DNAI3: variants seen among roughly 807,000 people sequenced by gnomAD.
DNAI3 encodes the protein WD repeat domain 63.
A neutral mutation model predicts 115.5 loss-of-function variants in DNAI3; 83 were observed. The observed-to-expected ratio is 0.72, with a 90% CI of 0.60 to 0.86. The LOEUF is 0.86. Ranked by LOEUF, DNAI3 falls within the 40% of genes least tolerant of loss-of-function variation. The pLI, the probability that DNAI3 is intolerant of heterozygous loss-of-function variation, is 0.00. For synonymous variants in DNAI3, 320 were observed against 347.0 expected (o/e 0.92, Z 0.86); for missense variants, 1,004 against 1,075.8 (o/e 0.93, Z 0.93).
intron 10 of DNAI3, 140 bp downstream of exon 10, chr1:85,094,695 A>G (rs1315900460): frequency 9.6e-7 from 1 of 1,046,512 alleles, no homozygotes; most frequent in Non-Finnish European, 1.3e-6. Flanking sequence ...TTCAATGCAG[A>G]ACTTGTCATC....
chr1:85,074,197 G>A (rs950604388), intron 3 of DNAI3, among the ~76,000 whole-genome samples: 4 of 151,960 alleles, frequency 2.6e-5, no homozygotes, highest in Admixed American at 6.6e-5. Context: ...CCAAACCTCC[G>A]CACTCCTCAC....
At chr1:85,120,274 T>C (rs1250277105) in intron 17 of DNAI3, among the ~76,000 whole-genome samples, 1 of 152,196 alleles carries the variant, frequency 6.6e-6, no homozygotes, top group Non-Finnish European at 1.5e-5. Context: ...GGATCTCGAC[T>C]GGCTGGCGTG....
intron 13 of DNAI3, 110 bp from the exon 14 acceptor site, chr1:85,104,414 C>T (rs931561081): frequency 6.6e-5 from 60 of 910,256 alleles, no homozygotes; most frequent in East Asian, 1.1e-4. Context: ...AGCCACTGCC[C>T]CCGGCCGGTA....
At chr1:85,124,012 C>T (rs1003239975) in intron 18 of DNAI3, 109 bp from the exon 19 acceptor site, 15 of 1,426,760 alleles carry the variant, frequency 1.1e-5, no homozygotes, top group African/African-American at 9.8e-5. Flanking sequence ...CTCCACTCCC[C>T]GACCCCATTC....
At chr1:85,127,171 T>C (rs1319007866) in intron 20 of DNAI3, among the ~76,000 whole-genome samples, 1 of 152,234 alleles carries the variant, frequency 6.6e-6, no homozygotes, top group South Asian at 2.1e-4. Context: ...ATCACTTTTG[T>C]GGTTCTCCCC....
intron 12 of DNAI3, among the ~76,000 whole-genome samples, 198 bp from the exon 13 acceptor site, chr1:85,098,332 A>G (rs535348208): frequency 6.6e-6 from 1 of 152,332 alleles, no homozygotes; most frequent in South Asian, 2.1e-4. Context: ...GTTTAGAGAA[A>G]TAGTCTTAGA....
chr1:85,122,444 A>G (rs1193596411), intron 18 of DNAI3, among the ~76,000 whole-genome samples: 2 of 152,198 alleles, frequency 1.3e-5, no homozygotes, highest in Admixed American at 6.5e-5. Flanking sequence ...AAAGCTCCCT[A>G]TCTCTAGCAG....
intron 20 of DNAI3, among the ~76,000 whole-genome samples, chr1:85,128,237 G>A (rs949723760): frequency 6.6e-6 from 1 of 150,948 alleles, no homozygotes; most frequent in Non-Finnish European, 1.5e-5. Flanking sequence ...GCAGCTACTT[G>A]TTTTTACAAT....
rs1441431050 is a variant in DNAI3 at position 85,124,145 on chromosome 1, C to A, written c.2006C>A (p.Thr669Asn). Residue 669 changes from threonine (T) to asparagine (N), a missense_variant, in exon 19 of 23, where the codon ACC (threonine) becomes AAC (asparagine). Physicochemically the swap from Thr to Asn is moderately conservative, Grantham distance 65. Around this residue, in one of 3 missense-constraint regions of DNAI3, gnomAD observed 429 missense variants for 454.3 expected, o/e 0.94. Coordinates refer to ENST00000294664, the MANE Select transcript of DNAI3 (RefSeq NM_145172.5). ...GCAAAGAAGCCAGTGAGCCACCACACCATTCACGACGGAACTGTCCACACT... is the reference window on the plus strand; with the variant it reads ...GCAAAGAAGCCAGTGAGCCACCACAACATTCACGACGGAACTGTCCACACT... ...LMSKKPVSHH[T>N]IHDGTVHTIQ... The A allele has an allele frequency of 2.5e-6, 4 of 1,614,188 alleles. No homozygotes were observed. The Admixed American group carries it at 5.0e-5, about 20-fold the overall frequency.
intron 7 of DNAI3, 80 bp from the exon 8 acceptor site, chr1:85,090,036 C>A: frequency 3.7e-6 from 2 of 544,466 alleles, no homozygotes; most frequent in Non-Finnish European, 6.3e-6. Flanking sequence ...GTCACAGAGA[C>A]ACACTTTTGA....
chr1:85,094,431 G>C lies in DNAI3; in HGVS notation c.1049G>C (p.Gly350Ala). 6.2e-7 allele frequency: 1 copy of C among 1,614,032 alleles called. No individual in the cohort carries two copies. Among genetic ancestry groups the C allele is most frequent in the Non-Finnish European group, 8.5e-7 (1 of 1,179,980 alleles). ...TCVSWHPTIY[G>A]LIAVSVAVRL... ...TAATTTCTACATGTGTTTCCATCAGGGCTAATAGCTGTGTCGGTAGCCGTG... is the reference window on the plus strand; with the variant it reads ...TAATTTCTACATGTGTTTCCATCAGCGCTAATAGCTGTGTCGGTAGCCGTG... Residue 350 changes from glycine to alanine, a missense_variant and splice_region_variant, in exon 10 of 23, where the codon GGG (glycine) becomes GCG (alanine). Transcript: ENST00000294664.
At chr1:85,100,434 C>T (rs1175032053) in intron 13 of DNAI3, among the ~76,000 whole-genome samples, 2 of 152,206 alleles carry the variant, frequency 1.3e-5, no homozygotes, top group East Asian at 1.9e-4. Context: ...TACCATCTCA[C>T]ACCAGTTAGA....
At chr1:85,129,853 A>G in intron 21 of DNAI3, 137 bp from the exon 22 acceptor site, 2 of 908,518 alleles carry the variant, frequency 2.2e-6, no homozygotes. Flanking sequence ...ATCATTAGAT[A>G]ATGATCAAGT....
intron 8 of DNAI3, among the ~76,000 whole-genome samples, chr1:85,092,536 A>G (rs1236794453): frequency 6.6e-6 from 1 of 152,106 alleles, no homozygotes; most frequent in Non-Finnish European, 1.5e-5. Context: ...CAACTTTGGG[A>G]GTATGCAGAG....
chr1:85,108,020 A>AT lies in DNAI3; in HGVS notation c.1554-13_1554-12insT. On this transcript the variant is annotated splice_polypyrimidine_tract_variant and intron_variant, in intron 14 of 22. Coordinates refer to ENST00000294664, the MANE Select transcript of DNAI3 (RefSeq NM_145172.5). Reference sequence around the variant, plus strand: ...TTTGTACTTAATAAAAAATATATATAAATTTTTTTTAGCACAATATGTTTT... The same window carrying AT: ...TTTGTACTTAATAAAAAATATATATATAATTTTTTTTAGCACAATATGTTTT... The AT allele has an allele frequency of 1.4e-6, 2 of 1,442,338 alleles. No individual in the cohort carries two copies. The highest frequency in any genetic ancestry group is 1.8e-6 in the Non-Finnish European group (2 of 1,105,020). 89.3% of individuals were successfully genotyped at this position (1,442,338 alleles called of 1,614,324 possible).
intron 5 of DNAI3, among the ~76,000 whole-genome samples, chr1:85,083,852 T>C (rs1654704912): frequency 6.6e-6 from 1 of 152,080 alleles, no homozygotes; most frequent in Non-Finnish European, 1.5e-5. Flanking sequence ...TCTGTGGTTT[T>C]ACACTTTACC....
At chr1:85,097,513 A>G (rs1239514957) in intron 11 of DNAI3, 56 bp from the exon 12 acceptor site, 4 of 1,488,222 alleles carry the variant, frequency 2.7e-6, no homozygotes, top group Non-Finnish European at 3.6e-6. Context: ...AAAGAAAATT[A>G]AGACTCAATT....
At chr1:85,086,801 C>T (rs1654812048) in intron 7 of DNAI3, among the ~76,000 whole-genome samples, 1 of 152,040 alleles carries the variant, frequency 6.6e-6, no homozygotes, top group East Asian at 1.9e-4. Flanking sequence ...CATCCTTTCT[C>T]TCCTGCATTC....
intron 21 of DNAI3, among the ~76,000 whole-genome samples, chr1:85,129,220 C>T (rs995168939): frequency 1.3e-5 from 2 of 148,848 alleles, no homozygotes; most frequent in Admixed American, 6.7e-5. Flanking sequence ...GCTGAACTGG[C>T]GGTATTCTGC....
Sources: gnomAD v4.1 joint callset for allele counts (sites outside exome capture counted in the v4.1 genomes callset) on GRCh38, gnomAD v4.1.1 for gene constraint, gnomAD v4.1.1 regional missense constraint, MANE v1.5 for transcripts, NCBI Gene and HGNC (gene_info 2026-07-23, HGNC 2026-07-21) for gene names.